The following WDFY3 variants were observed in gnomAD, a reference collection of about 807,000 sequenced individuals.
WDFY3 encodes the protein WD repeat and FYVE domain containing 3.
In WDFY3, 66 loss-of-function variants were observed where a neutral mutation model predicts 409.6. The ratio of observed to expected loss-of-function variants is 0.16; its 90% CI spans 0.13 to 0.20. WDFY3 has a LOEUF of 0.20. Ranked by LOEUF, WDFY3 falls within the 10% of genes least tolerant of loss-of-function variation. The pLI is 1.00. For synonymous variants in WDFY3, 1,521 were observed against 1,537.1 expected, an observed-to-expected ratio of 0.99 and a Z score of 0.25; for missense variants, 3,031 against 4,298.1, an observed-to-expected ratio of 0.71 and a Z score of 8.24.
At chr4:84,872,344 G>A (rs1762236737) in intron 3 of WDFY3, among the ~76,000 whole-genome samples, 1 of 151,676 alleles carries the variant, frequency 6.6e-6, no homozygotes, top group Non-Finnish European at 1.5e-5. Flanking sequence ...GGGCGCCTAT[G>A]GTCCCAGCTA....
intron 27 of WDFY3, among the ~76,000 whole-genome samples, chr4:84,776,770 G>T (rs1745616169): frequency 6.6e-6 from 1 of 152,056 alleles, no homozygotes; most frequent in Non-Finnish European, 1.5e-5. Flanking sequence ...TAAGAGGTTT[G>T]GATATTAGAA....
intron 4 of WDFY3, among the ~76,000 whole-genome samples, chr4:84,850,253 C>T (rs1178166317): frequency 6.6e-6 from 1 of 152,120 alleles, no homozygotes; most frequent in Non-Finnish European, 1.5e-5. Context: ...TAAATGAAAT[C>T]TAAGACCCAT....
chr4:84,774,065 G>A (rs1463607), intron 29 of WDFY3, among the ~76,000 whole-genome samples: 19,434 of 152,194 alleles, frequency 0.13, 1,714 homozygotes, highest in African/African-American at 0.24. Flanking sequence ...ATAAAAAAGT[G>A]AGTGACTTAC....
At chr4:84,765,788 G>T in intron 32 of WDFY3, 22 bp downstream of exon 32, 7 of 1,601,680 alleles carry the variant, frequency 4.4e-6, no homozygotes, top group Non-Finnish European at 6.0e-6. Flanking sequence ...TTTTCAAGCA[G>T]CTGACTAGAA....
intron 2 of WDFY3, among the ~76,000 whole-genome samples, chr4:84,916,206 A>T (rs186048791): frequency 6.6e-6 from 1 of 152,298 alleles, no homozygotes; most frequent in Non-Finnish European, 1.5e-5. Context: ...ACACAGGCAA[A>T]AGGTAAGTTC....
At chr4:84,732,946 T>C (rs1162002646) in intron 44 of WDFY3, among the ~76,000 whole-genome samples, 1 of 152,210 alleles carries the variant, frequency 6.6e-6, no homozygotes, top group East Asian at 1.9e-4. Context: ...AGAAGATTCA[T>C]GTGTTCTAAT....
intron 44 of WDFY3, among the ~76,000 whole-genome samples, chr4:84,728,643 T>A (rs561579086): frequency 1.3e-5 from 2 of 152,234 alleles, no homozygotes; most frequent in African/African-American, 4.8e-5. Context: ...CTATATATAC[T>A]CCCAGCCAGG....
At chr4:84,797,718 C>T (rs1407318006) in intron 18 of WDFY3, among the ~76,000 whole-genome samples, 1 of 151,800 alleles carries the variant, frequency 6.6e-6, no homozygotes, top group Admixed American at 6.6e-5. Context: ...GTAGCTGGGA[C>T]TACAGGCGCC....
intron 36 of WDFY3, among the ~76,000 whole-genome samples, chr4:84,745,026 T>C (rs1039321368): frequency 1.3e-5 from 2 of 152,142 alleles, no homozygotes; most frequent in African/African-American, 4.8e-5. Context: ...AGTTTTACAA[T>C]GTACAAAGAT....
chr4:84,700,267 C>T (rs2044161), intron 56 of WDFY3, among the ~76,000 whole-genome samples: 7 of 152,040 alleles, frequency 4.6e-5, no homozygotes, highest in South Asian at 4.2e-4. Context: ...TGCAGTGGCA[C>T]GAACACGGCT....
chr4:84,735,614 T>C (rs1169398626), intron 42 of WDFY3, among the ~76,000 whole-genome samples: 3 of 152,164 alleles, frequency 2.0e-5, no homozygotes, highest in Admixed American at 2.0e-4. Flanking sequence ...CCCCCTAATA[T>C]ACATTATGCA....
chr4:84,739,039 T>C lies in WDFY3; in HGVS notation c.6545A>G (p.Asp2182Gly), dbSNP rs1187457884. The change falls in exon 40 of 68, where the codon GAT becomes GGT. Residue 2182 changes from aspartate to glycine, a missense_variant. Around this residue, in one of 16 missense-constraint regions of WDFY3, gnomAD observed 314 missense variants for 397.4 expected, o/e 0.79. Coordinates refer to ENST00000295888, the MANE Select transcript of WDFY3 (RefSeq NM_014991.6). ...ACTAATATCTTGGCTGTAACTACCA[T>C]CTGGTTCAATGTCCGAGGGGATCAT... Reference protein sequence around the residue: ...HIMIPSDIEPDGSYSQDISEG... With the variant: ...HIMIPSDIEPGGSYSQDISEG... 1.2e-6 allele frequency: 2 copies of C among 1,614,114 alleles called. No homozygotes were observed. Among genetic ancestry groups the C allele is most frequent in the South Asian group, 1.1e-5 (1 of 91,084 alleles).
chr4:84,812,252 ATAGT>A lies in WDFY3; in HGVS notation c.1888-1912_1888-1909del, dbSNP rs539493167. 1.2e-4 allele frequency among the ~76,000 whole-genome samples: 19 copies of A among 152,326 alleles called. No homozygotes were observed. The East Asian group carries it at 2.9e-3, about 23-fold the overall frequency. ...TTACATTTTAGTATCTGGTAACAAT[ATAGT>A]TAGTTTCCCTATCTTGTCAAATTTA... On this transcript the variant is annotated intron_variant, in intron 13 of 67. Coordinates refer to ENST00000295888, the MANE Select transcript of WDFY3 (RefSeq NM_014991.6).
rs1482178361 is a variant in WDFY3, at chr4:84,705,391, T to C, written c.8335+3A>G. The stretch of plus-strand genomic sequence containing the variant: ...AAGTCCAATGACAGAAAAAGTTCCT[T>C]ACCATTAGGATCCTCCCAGTCTTTA... On this transcript the variant is annotated splice_donor_region_variant and intron_variant, in intron 54 of 67. Transcript: ENST00000295888. 6.2e-7 allele frequency: 1 copy of C among 1,610,934 alleles called. No individual in the cohort carries two copies. Among genetic ancestry groups the C allele is most frequent in the Non-Finnish European group, 8.5e-7 (1 of 1,178,390 alleles).
chr4:84,946,963 C>T (rs1042782746), intron 1 of WDFY3, among the ~76,000 whole-genome samples: 6 of 151,754 alleles, frequency 4.0e-5, no homozygotes, highest in East Asian at 2.0e-4. Context: ...CCTGCCACCA[C>T]GCCTGGCTAA....
chr4:84,800,916 C>T (rs1472311855), intron 17 of WDFY3, among the ~76,000 whole-genome samples: 1 of 152,076 alleles, frequency 6.6e-6, no homozygotes, highest in Non-Finnish European at 1.5e-5. Context: ...TCCTGCTGTG[C>T]GGCCCAGTTC....
At chr4:84,893,339 G>A (rs1765186962) in intron 3 of WDFY3, among the ~76,000 whole-genome samples, 1 of 152,146 alleles carries the variant, frequency 6.6e-6, no homozygotes. Flanking sequence ...ATAGATATTT[G>A]CATACTTCCC....
chr4:84,738,038 G>A (rs950807342), intron 40 of WDFY3, among the ~76,000 whole-genome samples: 9 of 152,126 alleles, frequency 5.9e-5, no homozygotes, highest in African/African-American at 1.9e-4. Flanking sequence ...AATAATAACC[G>A]CATCTTTGGT....
In WDFY3 at chr4:84,679,137, C is replaced by T; in HGVS notation, c.9929G>A (p.Arg3310Lys). The T allele has an allele frequency of 6.2e-7, 1 of 1,614,114 alleles. No individual in the cohort carries two copies. The highest frequency in any genetic ancestry group is 8.5e-7 in the Non-Finnish European group (1 of 1,180,002). The part of the protein sequence containing the change: ...TPSQPSSTSH[R>K]PRAASCRATA... Reference sequence around the variant, plus strand: ...TGCGCGGCAGGAGGCTGCCCGGGGCCTGTGGCTGGTGCTGCTGGGTTGGCT... The same window carrying T: ...TGCGCGGCAGGAGGCTGCCCGGGGCTTGTGGCTGGTGCTGCTGGGTTGGCT... Residue 3310 changes from arginine to lysine, a missense_variant, in exon 65 of 68, where the codon AGG (arginine) becomes AAG (lysine). This residue lies in a region of WDFY3 where 378 missense variants were observed against 477.3 expected (regional missense o/e 0.79). Transcript: ENST00000295888.
Sources: allele counts gnomAD v4.1 joint callset (sites outside exome capture counted in the v4.1 genomes callset), GRCh38; gene constraint gnomAD v4.1.1; regional missense constraint gnomAD v4.1.1; transcripts MANE v1.5; gene names NCBI Gene and HGNC (gene_info 2026-07-23, HGNC 2026-07-21).